SLC2A2: variants seen among roughly 807,000 people sequenced by gnomAD.
SLC2A2 encodes solute carrier family 2 member 2.
In SLC2A2, 36 loss-of-function variants were observed where a neutral mutation model predicts 54.5. The ratio of observed to expected loss-of-function variants is 0.66; its 90% CI spans 0.51 to 0.87. The LOEUF (loss-of-function observed/expected upper bound fraction) is 0.87. Among genes scored for constraint, SLC2A2 ranks in the 40% least tolerant of loss-of-function variants. SLC2A2 has a pLI of 0.00. For synonymous variants in SLC2A2, 223 were observed against 219.1 expected (o/e 1.02, Z -0.16); for missense variants, 543 against 624.3 (o/e 0.87, Z 1.39).
Position 171,026,647 on chromosome 3 carries a change from C to G in SLC2A2, c.15+9G>C. ...AACCAGACTTGAAATGAATATAATG[C>G]TGCTTTACCTTATCTTCTGTCATTG... On this transcript the variant is annotated intron_variant, in intron 1 of 10. Transcript: ENST00000314251. The G allele has an allele frequency of 6.2e-7, 1 of 1,612,162 alleles. No individual in the cohort carries two copies. The highest frequency in any genetic ancestry group is 2.2e-5 in the East Asian group (1 of 44,872).
intron 1 of SLC2A2, among the ~76,000 whole-genome samples, chr3:171,025,958 T>A (rs6806926): frequency 0.22 from 33,349 of 152,084 alleles, 5,439 homozygotes; most frequent in African/African-American, 0.47. Flanking sequence ...AATTTGTTGA[T>A]CTCTCGCTCT....
chr3:171,007,442 T>A (rs1715667061), intron 4 of SLC2A2, 179 bp from the exon 5 acceptor site: 1 of 610,766 alleles, frequency 1.6e-6, no homozygotes, highest in Non-Finnish European at 3.0e-6. Context: ...TATGACCTCA[T>A]ATGCAGTTGT....
chr3:171,009,604 C>T (rs1001603434), intron 4 of SLC2A2, among the ~76,000 whole-genome samples: 1 of 151,982 alleles, frequency 6.6e-6, no homozygotes, highest in Non-Finnish European at 1.5e-5. Context: ...AGATTCTATG[C>T]GGAACGTTTT....
chr3:171,005,151 A>T, intron 7 of SLC2A2, 134 bp downstream of exon 7: 1 of 767,798 alleles, frequency 1.3e-6, no homozygotes, highest in East Asian at 2.5e-5. Flanking sequence ...TGCTTACTCA[A>T]TGTACGTTTG....
intron 2 of SLC2A2, among the ~76,000 whole-genome samples, chr3:171,017,072 G>A (rs780380951): frequency 6.1e-4 from 93 of 151,824 alleles, no homozygotes; most frequent in Non-Finnish European, 1.1e-3. Flanking sequence ...GGCTGGTCTC[G>A]AACTCCCGAC....
intron 8 of SLC2A2, among the ~76,000 whole-genome samples, chr3:171,002,158 TAA>T (rs566113469): frequency 6.6e-6 from 1 of 151,566 alleles, no homozygotes; most frequent in East Asian, 1.9e-4. Flanking sequence ...AGGCACATGG[TAA>T]AAAAAAGAAT....
Position 170,996,826 on chromosome 3 carries a change from TTAAA to T in SLC2A2, c.*1073_*1076del, listed in dbSNP as rs1265200610. The stretch of plus-strand genomic sequence containing the variant: ...AAAACAATCAGTCTTTCCAGGAAAA[TTAAA>T]TAGGGATTTTGATAAAAGTCTGAAG... On this transcript the variant is annotated 3_prime_UTR_variant, in exon 11 of 11. Transcript: ENST00000314251. The T allele has an allele frequency of 5.1e-6, 2 of 393,184 alleles. No individual in the cohort carries two copies. The highest frequency in any genetic ancestry group is 4.1e-5 in the African/African-American group (2 of 48,356). 24.4% of individuals were successfully genotyped at this position (393,184 alleles called of 1,614,324 possible). A position where few individuals can be genotyped will look rare whatever the true frequency, so the allele number is the denominator to read the frequency against.
chr3:171,008,770 A>G (rs1200319291), intron 4 of SLC2A2, among the ~76,000 whole-genome samples: 1 of 152,098 alleles, frequency 6.6e-6, no homozygotes, highest in East Asian at 1.9e-4. Flanking sequence ...ATTTAAGGCC[A>G]TGCAGAGACA....
At chr3:171,017,480 C>T (rs1035855704) in intron 2 of SLC2A2, among the ~76,000 whole-genome samples, 11 of 152,274 alleles carry the variant, frequency 7.2e-5, no homozygotes, top group Admixed American at 7.2e-4. Context: ...CCTGCAGTAT[C>T]TTTCATTTTC....
chr3:171,002,275 C>G (rs1715375680), intron 8 of SLC2A2, among the ~76,000 whole-genome samples: 3 of 151,872 alleles, frequency 2.0e-5, no homozygotes, highest in Admixed American at 2.0e-4. Context: ...AAAGAAGGAA[C>G]CTAGGAATCT....
chr3:171,008,348 GA>G lies in SLC2A2; in HGVS notation c.497-1086del, dbSNP rs559601466. Reference sequence around the variant, plus strand: ...TGTGTAGCCTGTTGATCTTAAGTAAGAAAAAAATCATTTATTTGGCTCAATT... The same window carrying G: ...TGTGTAGCCTGTTGATCTTAAGTAAGAAAAAATCATTTATTTGGCTCAATT... On this transcript the variant is annotated intron_variant, in intron 4 of 10. Coordinates refer to ENST00000314251, the MANE Select transcript of SLC2A2 (RefSeq NM_000340.2). Among the ~76,000 whole-genome samples the G allele has an allele frequency of 1.4e-4, 22 of 152,030 alleles. 1 individual carries two copies. The South Asian group carries it at 4.6e-3, about 32-fold the overall frequency.
chr3:170,998,109 T>C lies in SLC2A2; in HGVS notation c.1375-6A>G. On this transcript the variant is annotated splice_region_variant and splice_polypyrimidine_tract_variant and intron_variant, in intron 10 of 10. Coordinates refer to ENST00000314251, the MANE Select transcript of SLC2A2 (RefSeq NM_000340.2). ...ACATAAGGTCCACAGAAGTCCTGGA[T>C]AGAAAGCAAACACAGACTTTGAGTT... 6.2e-7 allele frequency: 1 copy of C among 1,613,556 alleles called. No individual in the cohort carries two copies. Among genetic ancestry groups the C allele is most frequent in the South Asian group, 1.1e-5 (1 of 91,070 alleles).
chr3:171,004,821 A>C (rs573210895), intron 7 of SLC2A2, among the ~76,000 whole-genome samples: 2 of 151,952 alleles, frequency 1.3e-5, no homozygotes, highest in Non-Finnish European at 2.9e-5. Flanking sequence ...ATCTCCTCAA[A>C]TGGAGTGAAA....
chr3:171,013,947 T>C (rs1311136310), intron 3 of SLC2A2, among the ~76,000 whole-genome samples: 2 of 152,312 alleles, frequency 1.3e-5, no homozygotes, highest in Admixed American at 6.5e-5. Context: ...GGCTTTGAGA[T>C]AGCAAGCAGT....
intron 1 of SLC2A2, among the ~76,000 whole-genome samples, chr3:171,019,313 AATACTC>A (rs1449639553): frequency 1.3e-5 from 2 of 151,994 alleles, no homozygotes; most frequent in South Asian, 4.2e-4. Context: ...TGGTGACAAA[AATACTC>A]ATATAAGAGG....
intron 5 of SLC2A2, 75 bp downstream of exon 5, chr3:171,007,071 GGA>G: frequency 1.2e-6 from 1 of 813,210 alleles, no homozygotes; most frequent in Non-Finnish European, 2.2e-6. Flanking sequence ...GTACAGTAGG[GGA>G]TGCAATAGTA....
At position 170,999,110 on chromosome 3, in the gene SLC2A2, C is replaced by T. The variant is rs1203493088; in HGVS notation, c.1125G>A (p.Gly375=). Residue 375 remains glycine, a synonymous_variant, in exon 9 of 11, where the codon GGG becomes GGA. Coordinates refer to ENST00000314251, the MANE Select transcript of SLC2A2 (RefSeq NM_000340.2). ...ACATGAAGATGGCACAAACAAACATCCCACTCATTCCAATTAGAAAGAGAG... is the reference window on the plus strand; with the variant it reads ...ACATGAAGATGGCACAAACAAACATTCCACTCATTCCAATTAGAAAGAGAG... The part of the protein sequence containing the change: ...RRSLFLIGMS[G]MFVCAIFMSV... 7 of 1,612,974 alleles carry T rather than the reference C, an allele frequency of 4.3e-6. No individual in the cohort carries two copies. The South Asian group carries it at 4.4e-5, about 10-fold the overall frequency.
Position 170,998,392 on chromosome 3 carries a change from T to A in SLC2A2, c.1175A>T (p.Lys392Met). 6.2e-7 allele frequency: 1 copy of A among 1,613,312 alleles called. No homozygotes were observed. The highest frequency in any genetic ancestry group is 8.5e-7 in the Non-Finnish European group (1 of 1,179,532). ...GCTCACATAACTCATCCAAGAGAAC[T>A]TATTCTGAGGAAAAAAACAAAAACA... is the stretch of plus-strand genomic sequence containing the variant. ...FMSVGLVLLN[K>M]FSWMSYVSMI... Residue 392 changes from lysine to methionine, a missense_variant, in exon 10 of 11, where the codon AAG (lysine) becomes ATG (methionine). By Grantham distance (95) the Lys-to-Met change is moderately conservative. Transcript: ENST00000314251.
chr3:171,011,361 A>T (rs1035406147), intron 3 of SLC2A2, among the ~76,000 whole-genome samples: 3 of 152,124 alleles, frequency 2.0e-5, no homozygotes, highest in Non-Finnish European at 4.4e-5. Context: ...AGGTGATATG[A>T]TGACAGAAGT....
Sources: allele counts gnomAD v4.1 joint callset (sites outside exome capture counted in the v4.1 genomes callset), GRCh38; gene constraint gnomAD v4.1.1; transcripts MANE v1.5; gene names NCBI Gene and HGNC (gene_info 2026-07-23, HGNC 2026-07-21).